The following PLXDC2 variants were observed in gnomAD, a reference collection of about 807,000 sequenced individuals.
PLXDC2 encodes the protein plexin domain containing 2.
A neutral mutation model predicts 68.9 loss-of-function variants in PLXDC2; 40 were observed. The ratio of observed to expected loss-of-function variants is 0.58; its 90% CI spans 0.45 to 0.76. PLXDC2 has a LOEUF of 0.76. Among genes scored for constraint, PLXDC2 ranks in the 30% least tolerant of loss-of-function variants. The pLI is 0.00. For missense variants in PLXDC2, 644 were observed against 661.9 expected (o/e 0.97, Z 0.30); for synonymous variants, 243 against 234.2 (o/e 1.04, Z -0.34).
At chr10:20,201,908 G>A (rs1428389049) in intron 9 of PLXDC2, among the ~76,000 whole-genome samples, 1 of 152,022 alleles carries the variant, frequency 6.6e-6, no homozygotes, top group Non-Finnish European at 1.5e-5. Context: ...TAAAGACGAG[G>A]TTGAACGTAA....
intron 4 of PLXDC2, among the ~76,000 whole-genome samples, chr10:20,086,837 G>A (rs768197056): frequency 6.6e-6 from 1 of 152,110 alleles, no homozygotes; most frequent in Non-Finnish European, 1.5e-5. Context: ...AAAAAGCAAT[G>A]TAATTGCCAA....
intron 1 of PLXDC2, among the ~76,000 whole-genome samples, chr10:19,879,478 A>T (rs1837690679): frequency 6.6e-6 from 1 of 152,114 alleles, no homozygotes; most frequent in Non-Finnish European, 1.5e-5. Context: ...TATTTATTCA[A>T]TTTTAAACGC....
intron 13 of PLXDC2, among the ~76,000 whole-genome samples, chr10:20,273,773 T>G (rs1411713244): frequency 1.3e-5 from 2 of 152,122 alleles, no homozygotes; most frequent in African/African-American, 4.8e-5. Flanking sequence ...TCCCCACACT[T>G]TGGGAGGCCA....
At position 19,903,461 on chromosome 10, in the gene PLXDC2, C is replaced by T. The variant is rs139264651; in HGVS notation, c.112+86270C>T. On this transcript the variant is annotated intron_variant, in intron 1 of 13. Transcript: ENST00000377252. Reference sequence around the variant, plus strand: ...CCTCTAGGTTTTTCTAGTTTATGTGCGTAAAGGTGCTCACAGTACCCTTGA... The same window carrying T: ...CCTCTAGGTTTTTCTAGTTTATGTGTGTAAAGGTGCTCACAGTACCCTTGA... Among the ~76,000 whole-genome samples, 365 of 151,890 alleles carry T rather than the reference C, an allele frequency of 2.4e-3. 1 individual carries two copies. The highest frequency in any genetic ancestry group is 7.3e-3 in the East Asian group (38 of 5,174).
intron 3 of PLXDC2, among the ~76,000 whole-genome samples, chr10:20,052,662 C>T (rs1030783042): frequency 7.1e-6 from 1 of 140,734 alleles, no homozygotes; most frequent in Non-Finnish European, 1.5e-5. Flanking sequence ...TTTCTCGAAT[C>T]TTATCAGCAG....
chr10:19,915,862 A>AGAAG (rs368795136), intron 1 of PLXDC2, among the ~76,000 whole-genome samples: 1 of 150,006 alleles, frequency 6.7e-6, no homozygotes, highest in Admixed American at 6.6e-5. Flanking sequence ...AACCAAAAAA[A>AGAAG]AAGAAGAAGA....
chr10:20,171,218 G>A (rs1210672073), intron 7 of PLXDC2, among the ~76,000 whole-genome samples: 1 of 152,050 alleles, frequency 6.6e-6, no homozygotes, highest in African/African-American at 2.4e-5. Context: ...AGCCCTTTCA[G>A]AGGAACTAGG....
chr10:19,878,635 T>A (rs532227387), intron 1 of PLXDC2, among the ~76,000 whole-genome samples: 1 of 152,218 alleles, frequency 6.6e-6, no homozygotes, highest in South Asian at 2.1e-4. Context: ...CAATAAGCTA[T>A]CCTTACCCCC....
At chr10:20,243,681 T>C (rs954861391) in intron 12 of PLXDC2, among the ~76,000 whole-genome samples, 7 of 148,880 alleles carry the variant, frequency 4.7e-5, no homozygotes, top group African/African-American at 1.5e-4. Context: ...AAGAAATCAG[T>C]GCTTATTAAA....
At chr10:19,922,844 G>C (rs2131382231) in intron 1 of PLXDC2, among the ~76,000 whole-genome samples, 1 of 152,262 alleles carries the variant, frequency 6.6e-6, no homozygotes, top group South Asian at 2.1e-4. Flanking sequence ...CTGACTCATT[G>C]AACTATTTCC....
chr10:19,961,048 A>C (rs16919601), intron 1 of PLXDC2, among the ~76,000 whole-genome samples: 1,633 of 152,232 alleles, frequency 0.011, 33 homozygotes, highest in African/African-American at 0.037. Flanking sequence ...GGCTGTTTGA[A>C]TTTACTTAGC....
intron 1 of PLXDC2, among the ~76,000 whole-genome samples, chr10:19,941,395 T>C (rs184291418): frequency 1.6e-4 from 25 of 152,294 alleles, no homozygotes. Flanking sequence ...TGAATGCAGG[T>C]GTCCTTGGTG....
rs139984827 is a variant in PLXDC2, at chr10:20,148,956, T to C, written c.783+1054T>C. ...ATTCTGTAACCATGTCAGATATTTC[T>C]ATTCCTTTAAAAACTTTTTTAATGA... On this transcript the variant is annotated intron_variant, in intron 6 of 13. Coordinates refer to ENST00000377252, the MANE Select transcript of PLXDC2 (RefSeq NM_032812.9). Among the ~76,000 whole-genome samples the C allele has an allele frequency of 3.7e-3, 570 of 152,176 alleles. 2 individuals carry two copies. The highest frequency in any genetic ancestry group is 0.012 in the African/African-American group (509 of 41,538).
intron 1 of PLXDC2, among the ~76,000 whole-genome samples, chr10:19,953,978 G>A (rs1834030131): frequency 6.6e-6 from 1 of 152,092 alleles, no homozygotes; most frequent in African/African-American, 2.4e-5. Context: ...ATAAAATCGT[G>A]CATTTAAATC....
At chr10:20,117,644 C>T (rs962681309) in intron 4 of PLXDC2, among the ~76,000 whole-genome samples, 3 of 151,986 alleles carry the variant, frequency 2.0e-5, no homozygotes, top group African/African-American at 7.3e-5. Context: ...CTATGTATTG[C>T]CCAGCAGTAA....
intron 13 of PLXDC2, among the ~76,000 whole-genome samples, chr10:20,257,799 T>G (rs1835760496): frequency 6.6e-6 from 1 of 152,060 alleles, no homozygotes; most frequent in Non-Finnish European, 1.5e-5. Flanking sequence ...TTTCACAAAT[T>G]TCTTTTTTAA....
At position 20,131,401 on chromosome 10, in the gene PLXDC2, A is replaced by AT. The variant is rs533929497; in HGVS notation, c.542-11886dup. 1.5e-3 allele frequency among the ~76,000 whole-genome samples: 233 copies of AT among 151,288 alleles called. 1 individual carries two copies. Among genetic ancestry groups the AT allele is most frequent in the African/African-American group, 4.3e-3 (179 of 41,276 alleles). ...ATTGTAATCTCTTCTTTCACTTATA[A>AT]TTTTTTTTCTTTTTTGAGACAGAGT... is the stretch of plus-strand genomic sequence containing the variant. On this transcript the variant is annotated intron_variant, in intron 4 of 13. Coordinates refer to ENST00000377252, the MANE Select transcript of PLXDC2 (RefSeq NM_032812.9).
chr10:20,130,340 G>A (rs751759966), intron 4 of PLXDC2, among the ~76,000 whole-genome samples: 9 of 151,786 alleles, frequency 5.9e-5, no homozygotes, highest in Admixed American at 3.9e-4. Context: ...ACTGATTTTC[G>A]CATGTTTATT....
intron 4 of PLXDC2, among the ~76,000 whole-genome samples, chr10:20,136,479 C>G (rs1054529880): frequency 2.6e-5 from 4 of 152,104 alleles, no homozygotes; most frequent in African/African-American, 9.7e-5. Flanking sequence ...GCAACTTGTC[C>G]ACCACCAACA....
Sources: allele counts gnomAD v4.1 joint callset (sites outside exome capture counted in the v4.1 genomes callset), GRCh38; gene constraint gnomAD v4.1.1; transcripts MANE v1.5; gene names NCBI Gene and HGNC (gene_info 2026-07-23, HGNC 2026-07-21).